SUN1: variants seen among roughly 807,000 people sequenced by gnomAD.
The protein encoded by SUN1 is Sad1 and UNC84 domain containing 1.
A neutral mutation model predicts 103.2 loss-of-function variants in SUN1; 61 were observed. The observed-to-expected ratio is 0.59, with a 90% confidence interval of 0.48 to 0.73. SUN1 has a LOEUF of 0.73. SUN1 is among the 30% of genes least tolerant of loss of function. The pLI is 0.00. For missense variants in SUN1, 1,052 were observed against 1,034.6 expected, an observed-to-expected ratio of 1.02 and a Z score of -0.23; for synonymous variants, 490 against 425.7, an observed-to-expected ratio of 1.15 and a Z score of -1.86.
At chr7:830,761 A>C (rs988068633), upstream of SUN1, among the ~76,000 whole-genome samples, 1 of 152,212 alleles carries the variant, frequency 6.6e-6, no homozygotes, top group African/African-American at 2.4e-5. Flanking sequence ...AGTGTCCCCC[A>C]GGGTGGGAGC....
intron 1 of SUN1, among the ~76,000 whole-genome samples, chr7:822,493 G>T (rs1225236607): frequency 2.0e-5 from 3 of 152,166 alleles, no homozygotes; most frequent in Non-Finnish European, 4.4e-5. Context: ...CACCCCTCGG[G>T]CATGTGTAGT....
intron 1 of SUN1, among the ~76,000 whole-genome samples, chr7:820,450 G>A (rs1318242673): frequency 1.3e-5 from 2 of 152,108 alleles, no homozygotes; most frequent in East Asian, 3.9e-4. Context: ...GAGTTTGCTT[G>A]TTAGTTCTAA....
At chr7:868,137 C>G (rs933160641) in intron 16 of SUN1, among the ~76,000 whole-genome samples, 1 of 152,248 alleles carries the variant, frequency 6.6e-6, no homozygotes, top group African/African-American at 2.4e-5. Context: ...CGTTCACCAT[C>G]TCTTCTAAAC....
At chr7:822,590 A>G (rs1203749264) in intron 1 of SUN1, among the ~76,000 whole-genome samples, 2 of 152,106 alleles carry the variant, frequency 1.3e-5, no homozygotes, top group African/African-American at 4.8e-5. Flanking sequence ...TGTGAGCTGT[A>G]TCTGCAGTAT....
chr7:850,273 A>T, intron 5 of SUN1: 1 of 478,142 alleles, frequency 2.1e-6, no homozygotes, highest in East Asian at 3.9e-5. Flanking sequence ...ATCTTGGCTC[A>T]CTGCAGCCTC....
At chr7:868,312 G>A (rs1428321289) in intron 16 of SUN1, among the ~76,000 whole-genome samples, 2 of 152,242 alleles carry the variant, frequency 1.3e-5, no homozygotes, top group African/African-American at 4.8e-5. Context: ...AGTGCTCTCC[G>A]GTCACATCTG....
At chr7:841,369 G>A (rs1258408206) in intron 2 of SUN1, among the ~76,000 whole-genome samples, 2 of 148,904 alleles carry the variant, frequency 1.3e-5, no homozygotes, top group African/African-American at 5.0e-5. Context: ...ACAGCCTCCC[G>A]AGTAGCTGAA....
At position 821,158 on chromosome 7, in the gene SUN1, C is replaced by CTTTTTTTT. The variant is rs71546461; in HGVS notation, c.-74+4507_-74+4514dup. On this transcript the variant is annotated intron_variant, in intron 1 of 17. Coordinates refer to the SUN1 transcript ENST00000389574. ...ATGCTAACATCTATATTCAGCACAT[C>CTTTTTTTT]TTTTTTTTTTTTTTTTTTTTTTTTT... Among the ~76,000 whole-genome samples, 24 of 69,000 alleles carry CTTTTTTTT rather than the reference C, an allele frequency of 3.5e-4. 5 individuals carry two copies. The highest frequency in any genetic ancestry group is 1.6e-3 in the South Asian group (3 of 1,878). The allele number at this position is 69,000 out of a possible 152,430, so 45.3% of individuals were successfully genotyped here.
At chr7:827,492 T>C (rs1584019954), upstream of SUN1, among the ~76,000 whole-genome samples, 1 of 145,598 alleles carries the variant, frequency 6.9e-6, no homozygotes, top group South Asian at 2.2e-4. Context: ...TTTTTTGAGA[T>C]GGGGTCACGC....
At chr7:864,443 A>G (rs1280136166) in intron 15 of SUN1, among the ~76,000 whole-genome samples, 1 of 151,138 alleles carries the variant, frequency 6.6e-6, no homozygotes, top group African/African-American at 2.4e-5. Flanking sequence ...AATCCCAGCT[A>G]CTCGGGAGGC....
intron 1 of SUN1, among the ~76,000 whole-genome samples, chr7:835,106 C>A (rs1249166235): frequency 6.6e-6 from 1 of 152,190 alleles, no homozygotes; most frequent in African/African-American, 2.4e-5. Flanking sequence ...TTTTTTTTCT[C>A]TTTTGGAAAA....
At chr7:839,912 T>C (rs1381089779) in intron 2 of SUN1, among the ~76,000 whole-genome samples, 1 of 152,238 alleles carries the variant, frequency 6.6e-6, no homozygotes, top group Non-Finnish European at 1.5e-5. Flanking sequence ...ATACATAAAG[T>C]TTAGGTTATT....
upstream of SUN1, among the ~76,000 whole-genome samples, chr7:831,752 G>T (rs975744997): frequency 1.3e-5 from 2 of 152,168 alleles, no homozygotes; most frequent in African/African-American, 4.8e-5. Flanking sequence ...AGTGTCTTTT[G>T]TCCAGGAGGT....
chr7:862,916 C>G (rs1048416669), intron 15 of SUN1, among the ~76,000 whole-genome samples: 4 of 152,144 alleles, frequency 2.6e-5, no homozygotes, highest in African/African-American at 9.7e-5. Context: ...CTTTAGGAGA[C>G]CAAGGCAGGC....
chr7:849,476 TTGGCGTCGG>T (rs1584791207), intron 5 of SUN1: 1 of 1,319,668 alleles, frequency 7.6e-7, no homozygotes. Context: ...GCACTTGAGC[TTGGCGTCGG>T]TGAGTTCCCT....
At chr7:845,137 C>T (rs1051657569) in intron 5 of SUN1, among the ~76,000 whole-genome samples, 7 of 152,170 alleles carry the variant, frequency 4.6e-5, no homozygotes, top group Non-Finnish European at 7.4e-5. Flanking sequence ...GAAGGTCTCC[C>T]TACGCGTGTT....
chr7:865,894 C>G, intron 15 of SUN1, 58 bp from the exon 16 acceptor site: 1 of 1,397,738 alleles, frequency 7.2e-7, no homozygotes, highest in Middle Eastern at 1.8e-4. Context: ...TGGTGCAGTA[C>G]TATTGCTTCC....
upstream of SUN1, among the ~76,000 whole-genome samples, chr7:829,640 C>G (rs1050310306): frequency 6.6e-6 from 1 of 151,784 alleles, no homozygotes; most frequent in African/African-American, 2.4e-5. Context: ...CTGCAAGCTC[C>G]GCTTCCCAGG....
intron 15 of SUN1, among the ~76,000 whole-genome samples, chr7:865,153 C>T (rs986525121): frequency 3.3e-5 from 5 of 152,142 alleles, no homozygotes; most frequent in African/African-American, 9.7e-5. Flanking sequence ...ATGACAGGCT[C>T]GCTGTATCAC....
Sources: allele counts gnomAD v4.1 joint callset (sites outside exome capture counted in the v4.1 genomes callset), GRCh38; gene constraint gnomAD v4.1.1; transcripts MANE v1.5; gene names NCBI Gene and HGNC (gene_info 2026-07-23, HGNC 2026-07-21).